ANXA13: variants seen among roughly 807,000 people sequenced by gnomAD.
The protein encoded by ANXA13 is annexin XIII.
ANXA13 carries 36 observed loss-of-function variants against 46.6 expected under a neutral mutation model. The ratio of observed to expected loss-of-function variants is 0.77; its 90% CI spans 0.59 to 1.02. The LOEUF is 1.02. Among genes scored for constraint, ANXA13 ranks in the 50% least tolerant of loss-of-function variants. ANXA13 has a pLI of 0.00. For missense variants in ANXA13, 417 were observed against 396.5 expected (o/e 1.05, Z -0.44); for synonymous variants, 163 against 152.9 (o/e 1.07, Z -0.49).
intron 1 of ANXA13, among the ~76,000 whole-genome samples, chr8:123,722,258 A>G (rs1813888544): frequency 6.6e-6 from 1 of 151,988 alleles, no homozygotes; most frequent in Non-Finnish European, 1.5e-5. Flanking sequence ...GGTTGCAGTG[A>G]GCCGTGGTTG....
chr8:123,689,537 G>T (rs1457030406), intron 8 of ANXA13, among the ~76,000 whole-genome samples: 1 of 152,094 alleles, frequency 6.6e-6, no homozygotes. Context: ...GGAGCCGGGG[G>T]TGCTGACCAC....
At chr8:123,726,797 C>T (rs1362584496) in intron 1 of ANXA13, among the ~76,000 whole-genome samples, 1 of 152,176 alleles carries the variant, frequency 6.6e-6, no homozygotes, top group African/African-American at 2.4e-5. Context: ...AAGTGTGGAA[C>T]CAACCCAAAT....
At chr8:123,697,363 C>CG (rs1563608733) in intron 4 of ANXA13, among the ~76,000 whole-genome samples, 4 of 152,118 alleles carry the variant, frequency 2.6e-5, no homozygotes, top group South Asian at 4.1e-4. Flanking sequence ...CTCACACTCC[C>CG]GGGGGGCCTG....
At chr8:123,702,907 T>C (rs1813471438) in intron 2 of ANXA13, among the ~76,000 whole-genome samples, 171 bp from the exon 3 acceptor site, 1 of 152,210 alleles carries the variant, frequency 6.6e-6, no homozygotes. Flanking sequence ...TGTATTCTTT[T>C]CATTCACTTA....
intron 2 of ANXA13, among the ~76,000 whole-genome samples, chr8:123,706,634 C>A (rs1813545655): frequency 6.6e-6 from 1 of 152,148 alleles, no homozygotes; most frequent in Non-Finnish European, 1.5e-5. Context: ...TCCTCTGTTG[C>A]TCTCACTTTT....
chr8:123,692,903 G>GT (rs1312944452), intron 8 of ANXA13, among the ~76,000 whole-genome samples: 2 of 151,998 alleles, frequency 1.3e-5, no homozygotes, highest in South Asian at 4.2e-4. Context: ...TCCAGCCTGG[G>GT]TACTGCATCT....
At chr8:123,710,544 T>C (rs984129456) in intron 2 of ANXA13, among the ~76,000 whole-genome samples, 11 of 152,372 alleles carry the variant, frequency 7.2e-5, no homozygotes, top group African/African-American at 2.2e-4. Context: ...AAACATTCTG[T>C]GGACTGACAT....
chr8:123,734,747 T>C (rs1369730368), intron 1 of ANXA13, among the ~76,000 whole-genome samples: 5 of 150,206 alleles, frequency 3.3e-5, no homozygotes, highest in Non-Finnish European at 7.4e-5. Context: ...CATTTCATGC[T>C]GATAATAACT....
chr8:123,717,200 C>T (rs967497269), intron 1 of ANXA13, among the ~76,000 whole-genome samples: 4 of 152,132 alleles, frequency 2.6e-5, no homozygotes, highest in African/African-American at 9.7e-5. Flanking sequence ...TGAACTTGGG[C>T]CATTAACCTC....
intron 1 of ANXA13, 45 bp from the exon 2 acceptor site, chr8:123,712,798 C>G: frequency 6.4e-7 from 1 of 1,556,928 alleles, no homozygotes; most frequent in Non-Finnish European, 8.9e-7. Flanking sequence ...ATACGCATTC[C>G]TAAATGATCT....
chr8:123,716,146 T>C (rs1195466995), intron 1 of ANXA13, among the ~76,000 whole-genome samples: 1 of 152,208 alleles, frequency 6.6e-6, no homozygotes, highest in Non-Finnish European at 1.5e-5. Context: ...AGTGTAGTGT[T>C]GCAGTTTCGG....
rs550703876 is a variant in ANXA13 at position 123,702,848 on chromosome 8, G to A, written c.92-112C>T. 1.8e-3 allele frequency: 1,680 copies of A among 939,842 alleles called. 27 individuals are homozygous for A. The South Asian group carries it at 0.019, about 10-fold the overall frequency. 58.2% of individuals were successfully genotyped at this position (939,842 alleles called of 1,614,324 possible). A position where few individuals can be genotyped will look rare whatever the true frequency, so the allele number is the denominator to read the frequency against. ...TCACAGCTTAAAGGTGGTTGGAGGT[G>A]TCTATGGAACCCAACGGACCCTTAG... is the stretch of plus-strand genomic sequence containing the variant. On this transcript the variant is annotated intron_variant, in intron 2 of 10. Transcript: ENST00000419625.
At chr8:123,722,146 A>C (rs1359675137) in intron 1 of ANXA13, among the ~76,000 whole-genome samples, 1 of 151,896 alleles carries the variant, frequency 6.6e-6, no homozygotes, top group Non-Finnish European at 1.5e-5. Context: ...CTCTACAAAA[A>C]ATTTTAAACA....
At chr8:123,707,426 A>T (rs1162765638) in intron 2 of ANXA13, among the ~76,000 whole-genome samples, 2 of 151,626 alleles carry the variant, frequency 1.3e-5, no homozygotes, top group African/African-American at 2.4e-5. Context: ...GGAATGCTTT[A>T]AAAAAAAAGA....
At chr8:123,706,682 G>A (rs1233197963) in intron 2 of ANXA13, among the ~76,000 whole-genome samples, 2 of 152,198 alleles carry the variant, frequency 1.3e-5, no homozygotes, top group Non-Finnish European at 2.9e-5. Flanking sequence ...CAACCGTTCT[G>A]AAGTGCAGAT....
intron 9 of ANXA13, among the ~76,000 whole-genome samples, chr8:123,686,015 G>A (rs1813134835): frequency 1.3e-5 from 2 of 152,270 alleles, no homozygotes; most frequent in Non-Finnish European, 2.9e-5. Context: ...CTCCTGCACA[G>A]GGATCTTCTC....
chr8:123,701,801 C>T (rs1031046932), intron 3 of ANXA13, among the ~76,000 whole-genome samples: 4 of 151,846 alleles, frequency 2.6e-5, no homozygotes, highest in African/African-American at 7.3e-5. Context: ...ACAATCATAG[C>T]TATCATAGCT....
intron 8 of ANXA13, 141 bp from the exon 9 acceptor site, chr8:123,689,087 C>T: frequency 1.3e-6 from 1 of 745,036 alleles, no homozygotes; most frequent in Non-Finnish European, 2.3e-6. Flanking sequence ...TGACTCTTGC[C>T]TTGTAGGATT....
chr8:123,686,313 T>A (rs932020948), intron 9 of ANXA13, among the ~76,000 whole-genome samples: 3 of 151,876 alleles, frequency 2.0e-5, no homozygotes, highest in African/African-American at 7.3e-5. Flanking sequence ...TCTCTACTAA[T>A]AACATAAAAA....
Sources: allele counts gnomAD v4.1 joint callset (sites outside exome capture counted in the v4.1 genomes callset), GRCh38; gene constraint gnomAD v4.1.1; transcripts MANE v1.5; gene names NCBI Gene and HGNC (gene_info 2026-07-23, HGNC 2026-07-21).